Variants in TTC22 observed in about 807,000 individuals in gnomAD.
TTC22 encodes tetratricopeptide repeat domain 22, also known as tetratricopeptide repeat protein 22.
Under a neutral mutation model 48.2 loss-of-function variants are expected in TTC22, and 42 were observed. That is an observed-to-expected ratio of 0.87 (90% CI 0.68 to 1.13). The LOEUF (loss-of-function observed/expected upper bound fraction) is 1.13. Among genes scored for constraint, TTC22 ranks in the 50% most tolerant of loss-of-function variants. The pLI is 0.00. For synonymous variants in TTC22, 345 were observed against 365.5 expected (o/e 0.94, Z 0.64); for missense variants, 784 against 807.0 (o/e 0.97, Z 0.34).
rs2101436838 is a variant in TTC22 at position 54,781,781 on chromosome 1, T to C, written c.1174-2A>G. On this transcript the variant is annotated splice_acceptor_variant, in intron 6 of 6. Transcript: ENST00000371276. LOFTEE classifies it high-confidence loss of function. ...GTCCACGCCCATATAGTAGTAGACC[T>C]GGGGTCGGGGACGCGGGGTGAGCCC... 7.0e-7 allele frequency: 1 copy of C among 1,421,798 alleles called. No individual in the cohort carries two copies. The highest frequency in any genetic ancestry group is 9.2e-7 in the Non-Finnish European group (1 of 1,090,358). 88.1% of individuals were successfully genotyped at this position (1,421,798 alleles called of 1,614,324 possible). A position where few individuals can be genotyped will look rare whatever the true frequency, so the allele number is the denominator to read the frequency against.
chr1:54,797,916 G>A (rs952184487), intron 1 of TTC22, among the ~76,000 whole-genome samples: 7 of 151,988 alleles, frequency 4.6e-5, no homozygotes, highest in African/African-American at 1.5e-4. Flanking sequence ...AAAATCTCTC[G>A]CTGCAGGGGG....
intron 5 of TTC22, among the ~76,000 whole-genome samples, chr1:54,783,097 G>A (rs1646275648): frequency 6.6e-6 from 1 of 150,976 alleles, no homozygotes; most frequent in Non-Finnish European, 1.5e-5. Context: ...CCCACACTTA[G>A]AGCATTTACA....
chr1:54,800,882 G>C lies in TTC22; in HGVS notation c.282C>G (p.His94Gln), dbSNP rs373072866. ...AGGCATTGAGGTTGCCCGGGTGCTCGTGGGCCACCTCGAGGAAGCACTCGC... is the reference window on the plus strand; with the variant it reads ...AGGCATTGAGGTTGCCCGGGTGCTCCTGGGCCACCTCGAGGAAGCACTCGC... ...EARECFLEVA[H>Q]EHPGNLNAWA... The change falls in exon 1 of 7, where the codon CAC (histidine) becomes CAG (glutamine). Residue 94 changes from histidine (H) to glutamine (Q), a missense_variant. Physicochemically the swap from His to Gln is conservative, Grantham distance 24 (BLOSUM62 0). Transcript: ENST00000371276. 1 of 1,610,530 alleles carries C rather than the reference G, an allele frequency of 6.2e-7. No homozygotes were observed. Among genetic ancestry groups the C allele is most frequent in the African/African-American group, 1.3e-5 (1 of 74,892 alleles).
intron 1 of TTC22, among the ~76,000 whole-genome samples, chr1:54,795,463 TG>T (rs1305360237): frequency 1.3e-5 from 2 of 152,244 alleles, no homozygotes; most frequent in African/African-American, 2.4e-5. Flanking sequence ...TGCTCTGTGC[TG>T]GGTCCCAGAC....
Position 54,787,706 on chromosome 1 carries a change from C to T in TTC22, c.739+5G>A, listed in dbSNP as rs1169609316. ...TGCTGTCCCACCCATCCCCCGGGTC[C>T]CCACCTCGGTGGCGGGGGTCCTCGG... On this transcript the variant is annotated splice_donor_5th_base_variant and intron_variant, in intron 3 of 6. Transcript: ENST00000371276. 47 of 1,608,692 alleles carry T rather than the reference C, an allele frequency of 2.9e-5. No homozygotes were observed. The highest frequency in any genetic ancestry group is 4.0e-5 in the Non-Finnish European group (47 of 1,177,116).
intron 4 of TTC22, chr1:54,786,393 A>G: frequency 2.3e-6 from 1 of 439,390 alleles, no homozygotes; most frequent in South Asian, 2.7e-5. Flanking sequence ...GGTCACATCC[A>G]GTAAAGCCTT....
chr1:54,797,620 A>T (rs573521271), intron 1 of TTC22, among the ~76,000 whole-genome samples: 67 of 152,122 alleles, frequency 4.4e-4, no homozygotes, highest in Non-Finnish European at 8.4e-4. Flanking sequence ...TGCACTCTAG[A>T]CTCAGTCTCA....
chr1:54,780,103 AG>A lies in TTC22; in HGVS notation c.*1139del, dbSNP rs1557768760. 1 of 152,046 alleles carries A rather than the reference AG, an allele frequency of 6.6e-6. No individual in the cohort carries two copies. The highest frequency in any genetic ancestry group is 1.5e-5 in the Non-Finnish European group (1 of 68,020). 9.4% of individuals were successfully genotyped at this position (152,046 alleles called of 1,614,324 possible). Reference sequence around the variant, plus strand: ...CACTGCACTCCAGCCTGGGCGACAGAGTGAGACTCTGTCTCAAAAAAAGGAT... The same window carrying A: ...CACTGCACTCCAGCCTGGGCGACAGATGAGACTCTGTCTCAAAAAAAGGAT... On this transcript the variant is annotated 3_prime_UTR_variant, in exon 7 of 7. Coordinates refer to ENST00000371276, the MANE Select transcript of TTC22 (RefSeq NM_001114108.2).
At chr1:54,797,634 A>T (rs961284165) in intron 1 of TTC22, among the ~76,000 whole-genome samples, 8 of 151,954 alleles carry the variant, frequency 5.3e-5, no homozygotes, top group Non-Finnish European at 1.2e-4. Flanking sequence ...AGTCTCAAAG[A>T]AAGAAAGAAA....
chr1:54,796,723 A>G (rs1465709169), intron 1 of TTC22, among the ~76,000 whole-genome samples: 1 of 152,162 alleles, frequency 6.6e-6, no homozygotes, highest in African/African-American at 2.4e-5. Flanking sequence ...ATAAATAGGG[A>G]TTTTATTTTA....
intron 4 of TTC22, 47 bp from the exon 5 acceptor site, chr1:54,786,191 G>A: frequency 6.3e-7 from 1 of 1,579,510 alleles, no homozygotes. Flanking sequence ...TTGGTCATTA[G>A]CCAGAGCTGG....
At chr1:54,787,114 C>T in intron 3 of TTC22, 39 bp from the exon 4 acceptor site, 1 of 1,189,070 alleles carries the variant, frequency 8.4e-7, no homozygotes, top group African/African-American at 1.6e-5. Context: ...TAGGAAGCAG[C>T]AGGGTGGAGA....
chr1:54,781,418 C>T lies in TTC22; in HGVS notation c.1535G>A (p.Arg512His). 5.0e-6 allele frequency: 7 copies of T among 1,404,722 alleles called. No individual in the cohort carries two copies. Among genetic ancestry groups the T allele is most frequent in the Non-Finnish European group, 6.4e-6 (7 of 1,090,328 alleles). The allele number at this position is 1,404,722 out of a possible 1,614,324, so 87.0% of individuals were successfully genotyped here. The change falls in exon 7 of 7, where the codon CGC (arginine) becomes CAC (histidine). Residue 512 changes from arginine to histidine, a missense_variant. Coordinates refer to ENST00000371276, the MANE Select transcript of TTC22 (RefSeq NM_001114108.2). ...CACGCGCTGCAGCTCCTGGCGCAGG[C>T]GCGCCGCGGGGTACTTGTCCTGGGC... ...RRAQDKYPAA[R>H]LRQELQRVWR...
chr1:54,800,830 G>T lies in TTC22; in HGVS notation c.334C>A (p.Arg112=), dbSNP rs1192582555. 11 of 1,603,580 alleles carry T rather than the reference G, an allele frequency of 6.9e-6. No individual in the cohort carries two copies. The highest frequency in any genetic ancestry group is 1.7e-4 in the Middle Eastern group (1 of 6,012). ...TCCTCCTCTTCTTCCTGGCCCAGCC[G>T]CCCGTACACGTGTGCCAGATTGGCC... ...AWANLAHVYG[R]LGQEEEEEAC... Residue 112 remains arginine, a synonymous_variant, in exon 1 of 7, where the codon CGG becomes AGG. Coordinates refer to ENST00000371276, the MANE Select transcript of TTC22 (RefSeq NM_001114108.2).
At position 54,781,772 on chromosome 1, in the gene TTC22, T is replaced by C; in HGVS notation, c.1181A>G (p.Tyr394Cys). 1 of 1,437,604 alleles carries C rather than the reference T, an allele frequency of 7.0e-7. No homozygotes were observed. The highest frequency in any genetic ancestry group is 2.8e-5 in the East Asian group (1 of 35,360). 89.1% of individuals were successfully genotyped at this position (1,437,604 alleles called of 1,614,324 possible). A position where few individuals can be genotyped will look rare whatever the true frequency, so the allele number is the denominator to read the frequency against. Residue 394 changes from tyrosine to cysteine, a missense_variant, in exon 7 of 7, where the codon TAC becomes TGC. Tyr to Cys is a radical substitution (Grantham distance 194). Coordinates refer to ENST00000371276, the MANE Select transcript of TTC22 (RefSeq NM_001114108.2). ...KAYLDIGQVY[Y>C]YMGVDAVQEL... ...CTGCACCGCGTCCACGCCCATATAG[T>C]AGTAGACCTGGGGTCGGGGACGCGG...
chr1:54,781,195 G>C lies in TTC22; in HGVS notation c.*48C>G. 1 of 1,323,118 alleles carries C rather than the reference G, an allele frequency of 7.6e-7. No individual in the cohort carries two copies. Among genetic ancestry groups the C allele is most frequent in the South Asian group, 1.7e-5 (1 of 60,424 alleles). The allele number at this position is 1,323,118 out of a possible 1,614,324, so 82.0% of individuals were successfully genotyped here. On this transcript the variant is annotated 3_prime_UTR_variant, in exon 7 of 7. Transcript: ENST00000371276. ...CCGGACCTGGTCCCATCAGCTGGGCGGGGCCTGGGCGGGGTCCCAGGGAGC... is the reference window on the plus strand; with the variant it reads ...CCGGACCTGGTCCCATCAGCTGGGCCGGGCCTGGGCGGGGTCCCAGGGAGC...
intron 1 of TTC22, among the ~76,000 whole-genome samples, chr1:54,792,155 T>C (rs1041283713): frequency 6.6e-6 from 1 of 152,232 alleles, no homozygotes; most frequent in Non-Finnish European, 1.5e-5. Context: ...CCCCTTCAAC[T>C]TGATGACTAA....
intron 5 of TTC22, chr1:54,784,934 G>GTCATTCTA (rs1646288903): frequency 2.5e-6 from 1 of 403,654 alleles, no homozygotes; most frequent in East Asian, 1.2e-4. Context: ...TGACTATGCA[G>GTCATTCTA]TGGACTGCAT....
intron 5 of TTC22, chr1:54,785,200 C>A: frequency 5.0e-6 from 1 of 200,520 alleles, no homozygotes. Flanking sequence ...GAGCTCTGAT[C>A]CACTATATTA....
Sources: allele counts gnomAD v4.1 joint callset (sites outside exome capture counted in the v4.1 genomes callset), GRCh38; gene constraint gnomAD v4.1.1; transcripts MANE v1.5; gene names NCBI Gene and HGNC (gene_info 2026-07-23, HGNC 2026-07-21).